The following IL1RAPL2 variants were observed in gnomAD, a reference collection of about 807,000 sequenced individuals.
The protein encoded by IL1RAPL2 is interleukin 1 receptor accessory protein like 2.
Under a neutral mutation model 44.1 loss-of-function variants are expected in IL1RAPL2, and 3 were observed. The observed-to-expected ratio is 0.07, with a 90% CI of 0.03 to 0.18. The LOEUF is 0.18. Ranked by LOEUF, IL1RAPL2 falls within the 10% of genes least tolerant of loss-of-function variation. The pLI is 1.00. For missense variants in IL1RAPL2, 391 were observed against 496.4 expected (o/e 0.79, Z 2.02); for synonymous variants, 181 against 178.8 (o/e 1.01, Z -0.10).
At chrX:105,745,237 C>G (rs1359984495) in intron 8 of IL1RAPL2, among the ~76,000 whole-genome samples, 2 of 111,658 alleles carry the variant, frequency 1.8e-5, no homozygotes, top group Non-Finnish European at 1.9e-5. Flanking sequence ...CTCTACAGCT[C>G]TCTTCTTCCA....
rs761265151 is a variant in IL1RAPL2, at chrX:105,428,300, C to A, written c.698-56013C>A. 2.2e-3 allele frequency among the ~76,000 whole-genome samples: 246 copies of A among 111,889 alleles called. 1 individual carries two copies. The highest frequency in any genetic ancestry group is 7.5e-3 in the African/African-American group (232 of 30,934). On this transcript the variant is annotated intron_variant, in intron 5 of 10. Transcript: ENST00000372582. The stretch of plus-strand genomic sequence containing the variant: ...GGATACAAACAAATATAGTAGCTTT[C>A]TTTTTCTCTGTTGAAACTAAATTTT...
At chrX:104,816,299 C>T (rs1019767636) in intron 2 of IL1RAPL2, among the ~76,000 whole-genome samples, 1 of 111,696 alleles carries the variant, frequency 9.0e-6, no homozygotes, top group East Asian at 2.8e-4. Context: ...TTTAGATTAA[C>T]CACCCCAAAG....
intron 6 of IL1RAPL2, among the ~76,000 whole-genome samples, chrX:105,607,527 T>C (rs1179920111): frequency 9.4e-6 from 1 of 106,442 alleles, no homozygotes; most frequent in Non-Finnish European, 1.9e-5. Context: ...GTTCTTTTAA[T>C]TATGATAACT....
At chrX:104,720,291 A>G (rs1004192310) in intron 2 of IL1RAPL2, among the ~76,000 whole-genome samples, 11 of 111,767 alleles carry the variant, frequency 9.8e-5, no homozygotes, top group Non-Finnish European at 2.1e-4. Context: ...CAAATTTTCC[A>G]ATGTAATTCA....
intron 3 of IL1RAPL2, among the ~76,000 whole-genome samples, chrX:105,217,567 A>G (rs1278693116): frequency 8.9e-6 from 1 of 112,261 alleles, no homozygotes; most frequent in African/African-American, 3.2e-5. Flanking sequence ...GTAGAACTAG[A>G]AATACCATTT....
rs762725190 is a variant in IL1RAPL2, at chrX:104,942,630, T to G, written c.83-252845T>G. ...GGGGTTTTCTAAATATACAATCATGTCGTCTGCAAAAAGGGACAATTTGAC... is the reference window on the plus strand; with the variant it reads ...GGGGTTTTCTAAATATACAATCATGGCGTCTGCAAAAAGGGACAATTTGAC... On this transcript the variant is annotated intron_variant, in intron 2 of 10. Coordinates refer to ENST00000372582, the MANE Select transcript of IL1RAPL2 (RefSeq NM_017416.2). Among the ~76,000 whole-genome samples, 25 of 111,704 alleles carry G rather than the reference T, an allele frequency of 2.2e-4. No individual in the cohort carries two copies. The South Asian group carries it at 9.4e-3, about 42-fold the overall frequency.
At chrX:104,630,997 C>A (rs1929635749) in intron 1 of IL1RAPL2, among the ~76,000 whole-genome samples, 1 of 110,483 alleles carries the variant, frequency 9.1e-6, no homozygotes, top group East Asian at 2.9e-4. Context: ...CCCTCCCACA[C>A]CCCACAACAG....
At position 105,315,578 on chromosome X, in the gene IL1RAPL2, G is replaced by GTATA. The variant is rs771525814; in HGVS notation, c.697+48057_697+48060dup. On this transcript the variant is annotated intron_variant, in intron 5 of 10. Coordinates refer to ENST00000372582, the MANE Select transcript of IL1RAPL2 (RefSeq NM_017416.2). ...CCCTAGAGGGACAGAACTAATGGAT[G>GTATA]TATATATATATATATATATATATGG... Among the ~76,000 whole-genome samples the GTATA allele has an allele frequency of 0.011, 243 of 21,811 alleles. 49 individuals are homozygous for GTATA. In the East Asian group the frequency reaches 0.23, roughly 21 times the overall value. 18.9% of individuals were successfully genotyped at this position (21,811 alleles called of 115,157 possible).
rs190856216 is a variant in IL1RAPL2, at chrX:105,676,465, G to T, written c.773-40902G>T. On this transcript the variant is annotated intron_variant, in intron 6 of 10. Coordinates refer to ENST00000372582, the MANE Select transcript of IL1RAPL2 (RefSeq NM_017416.2). ...ATTATGAAGAGACCACAGAAAACTT[G>T]TCTTTTCCTTGATGGCATCAGACTC... 1.7e-4 allele frequency among the ~76,000 whole-genome samples: 19 copies of T among 111,758 alleles called. No homozygotes were observed. In the East Asian group the frequency reaches 5.4e-3, roughly 32 times the overall value.
At chrX:105,175,781 C>T (rs1315591022) in intron 2 of IL1RAPL2, among the ~76,000 whole-genome samples, 2 of 110,731 alleles carry the variant, frequency 1.8e-5, no homozygotes, top group Admixed American at 1.9e-4. Context: ...ATTCCTTTAA[C>T]AGCATATAAC....
At chrX:104,679,494 C>T (rs1930853705) in intron 2 of IL1RAPL2, among the ~76,000 whole-genome samples, 1 of 112,050 alleles carries the variant, frequency 8.9e-6, no homozygotes, top group Admixed American at 9.5e-5. Flanking sequence ...AGAGAATAAA[C>T]AGTTCCGTTT....
chrX:104,941,116 G>T (rs1281255291), intron 2 of IL1RAPL2, among the ~76,000 whole-genome samples: 1 of 110,468 alleles, frequency 9.1e-6, no homozygotes, highest in Non-Finnish European at 1.9e-5. Context: ...TGGACATTTG[G>T]GTTGGTTCCA....
At chrX:105,082,185 C>G (rs946598068) in intron 2 of IL1RAPL2, among the ~76,000 whole-genome samples, 1 of 111,568 alleles carries the variant, frequency 9.0e-6, no homozygotes, top group African/African-American at 3.3e-5. Flanking sequence ...GATCCAATTT[C>G]TTCCTGGTTT....
At chrX:105,015,664 T>C (rs184644148) in intron 2 of IL1RAPL2, among the ~76,000 whole-genome samples, 1 of 111,623 alleles carries the variant, frequency 9.0e-6, no homozygotes, top group African/African-American at 3.3e-5. Context: ...TTCTGTTCCA[T>C]TTGTCTGTAT....
chrX:105,469,058 T>C (rs1216242350), intron 5 of IL1RAPL2, among the ~76,000 whole-genome samples: 2 of 111,785 alleles, frequency 1.8e-5, no homozygotes, highest in Non-Finnish European at 3.8e-5. Flanking sequence ...TGCCAAAAAT[T>C]CTAATTTAGT....
chrX:105,040,613 A>G (rs1363242434), intron 2 of IL1RAPL2, among the ~76,000 whole-genome samples: 3 of 109,672 alleles, frequency 2.7e-5, no homozygotes, highest in Non-Finnish European at 5.7e-5. Flanking sequence ...GTCCTGGGAG[A>G]GTGTATGTGT....
intron 2 of IL1RAPL2, among the ~76,000 whole-genome samples, chrX:105,099,202 G>C (rs751205392): frequency 1.8e-5 from 2 of 111,825 alleles, no homozygotes; most frequent in African/African-American, 3.2e-5. Context: ...GTGCTACAAA[G>C]AAGTATACAG....
chrX:105,160,488 T>C (rs2033313450), intron 2 of IL1RAPL2, among the ~76,000 whole-genome samples: 1 of 111,656 alleles, frequency 9.0e-6, no homozygotes, highest in Admixed American at 9.6e-5. Context: ...TTATGTGTAA[T>C]ATATATTTTA....
chrX:105,353,015 G>A (rs757342302), intron 5 of IL1RAPL2, among the ~76,000 whole-genome samples: 2,433 of 111,188 alleles, frequency 0.022, 72 homozygotes, highest in African/African-American at 0.076. Flanking sequence ...CCATGCCTAT[G>A]TCCTGAATGG....
Sources: allele counts gnomAD v4.1 joint callset (sites outside exome capture counted in the v4.1 genomes callset), GRCh38; gene constraint gnomAD v4.1.1; transcripts MANE v1.5; gene names NCBI Gene and HGNC (gene_info 2026-07-23, HGNC 2026-07-21).